Variants in CREB5 observed in about 807,000 individuals in gnomAD.
CREB5 encodes cyclic AMP-responsive element-binding protein 5.
A neutral mutation model predicts 57.1 loss-of-function variants in CREB5; 19 were observed. That is an observed-to-expected ratio of 0.33 (90% CI 0.23 to 0.49). CREB5 has a LOEUF of 0.49. Among genes scored for constraint, CREB5 ranks in the 20% least tolerant of loss-of-function variants. The pLI, the probability that CREB5 is intolerant of heterozygous loss-of-function variation, is 0.99. For missense variants in CREB5, 579 were observed against 671.6 expected, an observed-to-expected ratio of 0.86 and a Z score of 1.52; for synonymous variants, 238 against 238.3, an observed-to-expected ratio of 1.00 and a Z score of 0.01.
intron 1 of CREB5, among the ~76,000 whole-genome samples, chr7:28,400,511 G>T (rs1787437702): frequency 6.6e-6 from 1 of 152,190 alleles, no homozygotes; most frequent in South Asian, 2.1e-4. Flanking sequence ...TTATACTGCA[G>T]TCTCTTTAAG....
intron 1 of CREB5, among the ~76,000 whole-genome samples, chr7:28,426,513 C>T (rs571969173): frequency 6.6e-6 from 1 of 152,322 alleles, no homozygotes; most frequent in South Asian, 2.1e-4. Flanking sequence ...TTGAGTGCCT[C>T]TCTGGCATGT....
In CREB5 at chr7:28,570,435, G is replaced by A. The variant is rs116248568; in HGVS notation, c.362G>A (p.Arg121Gln). ...GGAACTCACCAGCTTAGCAGCGCTC[G>A]GCTGCCCAACCATGACACCAACGTT... is the stretch of plus-strand genomic sequence containing the variant. ...GPGTHQLSSARLPNHDTNVVI... is the reference protein window; with the variant it reads ...GPGTHQLSSAQLPNHDTNVVI... Residue 121 changes from arginine (R) to glutamine (Q), a missense_variant, in exon 5 of 11, where the codon CGG (arginine) becomes CAG (glutamine). Coordinates refer to ENST00000357727, the MANE Select transcript of CREB5 (RefSeq NM_182898.4). The A allele has an allele frequency of 7.7e-5, 124 of 1,614,132 alleles. No homozygotes were observed. The East Asian group carries it at 1.4e-3, about 19-fold the overall frequency.
rs755954277 is a variant in CREB5 at position 28,570,457 on chromosome 7, CGTT to C, written c.387_389del (p.Val130del). ...CTCGGCTGCCCAACCATGACACCAACGTTGTGATTCAGCAAGCCATGCCGTCGC... is the reference window on the plus strand; with the variant it reads ...CTCGGCTGCCCAACCATGACACCAACGTGATTCAGCAAGCCATGCCGTCGC... On this transcript the variant is annotated inframe_deletion, in exon 5 of 11. Coordinates refer to ENST00000357727, the MANE Select transcript of CREB5 (RefSeq NM_182898.4). 97 of 1,614,184 alleles carry C rather than the reference CGTT, an allele frequency of 6.0e-5. No individual in the cohort carries two copies. In the African/African-American group the frequency reaches 1.2e-3, roughly 20 times the overall value.
intron 1 of CREB5, among the ~76,000 whole-genome samples, chr7:28,369,509 TA>T (rs1426883749): frequency 1.3e-5 from 2 of 152,182 alleles, no homozygotes; most frequent in Non-Finnish European, 2.9e-5. Flanking sequence ...TCCTCATATG[TA>T]AAATGGAGAT....
intron 1 of CREB5, among the ~76,000 whole-genome samples, chr7:28,392,927 A>ATTT (rs11289159): frequency 2.9e-4 from 42 of 146,054 alleles, no homozygotes; most frequent in African/African-American, 1.0e-3. Context: ...CAAAGCAGCA[A>ATTT]TTTTTTTTTT....
chr7:28,300,372 T>C (rs890732139), intron 1 of CREB5, among the ~76,000 whole-genome samples: 19 of 152,204 alleles, frequency 1.2e-4, no homozygotes, highest in African/African-American at 3.9e-4. Flanking sequence ...TGGTGAAAAA[T>C]GAAAATTTCA....
intron 5 of CREB5, among the ~76,000 whole-genome samples, chr7:28,585,308 T>G (rs1796267023): frequency 6.6e-6 from 1 of 152,154 alleles, no homozygotes; most frequent in South Asian, 2.1e-4. Flanking sequence ...CAACTTCCTG[T>G]GTGGACACAG....
intron 1 of CREB5, among the ~76,000 whole-genome samples, chr7:28,320,477 C>T (rs1053705673): frequency 2.0e-5 from 3 of 152,184 alleles, no homozygotes; most frequent in South Asian, 2.1e-4. Flanking sequence ...CTTCAAGCTC[C>T]GCTTTACCAG....
chr7:28,422,120 A>G (rs1231965423), intron 1 of CREB5, among the ~76,000 whole-genome samples: 1 of 152,078 alleles, frequency 6.6e-6, no homozygotes, highest in Non-Finnish European at 1.5e-5. Flanking sequence ...AATTAGAGAT[A>G]TTTGACTCAG....
At chr7:28,796,066 T>C (rs972749066) in intron 7 of CREB5, among the ~76,000 whole-genome samples, 1 of 152,138 alleles carries the variant, frequency 6.6e-6, no homozygotes, top group African/African-American at 2.4e-5. Flanking sequence ...ATTAACCATT[T>C]TAAGGTGTGC....
At chr7:28,714,365 C>T (rs78252578) in intron 5 of CREB5, among the ~76,000 whole-genome samples, 75 of 152,288 alleles carry the variant, frequency 4.9e-4, no homozygotes, top group African/African-American at 1.7e-3. Context: ...CTTTCCTTTG[C>T]CTGGTCACAT....
At chr7:28,704,011 T>C (rs528425671) in intron 5 of CREB5, among the ~76,000 whole-genome samples, 1 of 152,296 alleles carries the variant, frequency 6.6e-6, no homozygotes, top group Admixed American at 6.5e-5. Context: ...TATGAAGTAG[T>C]GAAATGTTTT....
At chr7:28,462,598 T>C (rs940049674) in intron 1 of CREB5, among the ~76,000 whole-genome samples, 6 of 152,220 alleles carry the variant, frequency 3.9e-5, no homozygotes, top group Non-Finnish European at 8.8e-5. Flanking sequence ...GGGGTCATTT[T>C]GATTTTGACC....
At chr7:28,765,348 T>C (rs1292142368) in intron 7 of CREB5, among the ~76,000 whole-genome samples, 1 of 152,244 alleles carries the variant, frequency 6.6e-6, no homozygotes, top group African/African-American at 2.4e-5. Flanking sequence ...CTTGTACAAA[T>C]CCAGCACTTT....
At chr7:28,726,806 A>T (rs1412502096) in intron 7 of CREB5, 1 of 152,218 alleles carries the variant, frequency 6.6e-6, no homozygotes, top group Non-Finnish European at 1.5e-5. Flanking sequence ...CTGCAGACTT[A>T]TTCCCCTGGG....
At chr7:28,388,678 A>G (rs1215122486) in intron 1 of CREB5, among the ~76,000 whole-genome samples, 1 of 152,218 alleles carries the variant, frequency 6.6e-6, no homozygotes, top group African/African-American at 2.4e-5. Context: ...GTTGACTCTA[A>G]CAAGACACAG....
intron 5 of CREB5, among the ~76,000 whole-genome samples, chr7:28,690,644 AG>A (rs1263509381): frequency 6.6e-6 from 1 of 152,032 alleles, no homozygotes. Flanking sequence ...AGCCATTGCG[AG>A]GGGTGGAGAT....
chr7:28,693,722 C>T (rs572029783), intron 5 of CREB5, among the ~76,000 whole-genome samples: 1 of 152,218 alleles, frequency 6.6e-6, no homozygotes, highest in South Asian at 2.1e-4. Context: ...TTCTGAGCCT[C>T]GGTTACTTCA....
intron 5 of CREB5, among the ~76,000 whole-genome samples, chr7:28,585,704 A>G (rs1332152785): frequency 6.6e-6 from 1 of 152,060 alleles, no homozygotes; most frequent in East Asian, 1.9e-4. Flanking sequence ...AATCCAATAA[A>G]GCCCCACCAC....
Sources: gnomAD v4.1 joint callset for allele counts (sites outside exome capture counted in the v4.1 genomes callset) on GRCh38, gnomAD v4.1.1 for gene constraint, MANE v1.5 for transcripts, NCBI Gene and HGNC (gene_info 2026-07-23, HGNC 2026-07-21) for gene names.